Variants in GNAZ observed in about 807,000 individuals in gnomAD.
The protein encoded by GNAZ is G protein subunit alpha z.
A neutral mutation model predicts 25.4 loss-of-function variants in GNAZ; 3 were observed. That is an observed-to-expected ratio of 0.12 (90% CI 0.05 to 0.30). The LOEUF is 0.30. Ranked by LOEUF, GNAZ falls within the 10% of genes least tolerant of loss-of-function variation. The pLI, the probability that GNAZ is intolerant of heterozygous loss-of-function variation, is 1.00. For synonymous variants in GNAZ, 211 were observed against 205.7 expected (o/e 1.03, Z -0.22); for missense variants, 241 against 501.8 (o/e 0.48, Z 4.97).
At chr22:23,112,134 G>A (rs956414190) in intron 2 of GNAZ, among the ~76,000 whole-genome samples, 4 of 152,090 alleles carry the variant, frequency 2.6e-5, no homozygotes, top group Admixed American at 2.6e-4. Context: ...TCTTCACCCC[G>A]CAGCCCAAAG....
At chr22:23,073,680 T>A (rs1008681583) in intron 1 of GNAZ, among the ~76,000 whole-genome samples, 1 of 152,048 alleles carries the variant, frequency 6.6e-6, no homozygotes, top group African/African-American at 2.4e-5. Flanking sequence ...CTAGAGCACA[T>A]AGGAGGAGAC....
At chr22:23,089,502 G>T (rs960878782) in intron 1 of GNAZ, among the ~76,000 whole-genome samples, 3 of 152,220 alleles carry the variant, frequency 2.0e-5, no homozygotes, top group African/African-American at 7.2e-5. Flanking sequence ...GAGGGAAGTG[G>T]TTCCTAGAGT....
chr22:23,110,553 A>T (rs1310015607), intron 2 of GNAZ, among the ~76,000 whole-genome samples: 2 of 152,172 alleles, frequency 1.3e-5, no homozygotes, highest in African/African-American at 4.8e-5. Flanking sequence ...TACCCTCGCT[A>T]CCAGAGACCC....
rs577983227 is a variant in GNAZ at position 23,123,999 on chromosome 22, C to T, written c.*568C>T. On this transcript the variant is annotated 3_prime_UTR_variant, in exon 3 of 3. Coordinates refer to ENST00000615612, the MANE Select transcript of GNAZ (RefSeq NM_002073.4). ...ATTCTGGACCTGGGACCTTAGGAGC[C>T]GGGTGACAGCACTAACCAGACCTCC... is the stretch of plus-strand genomic sequence containing the variant. 1.8e-4 allele frequency: 38 copies of T among 213,234 alleles called. No individual in the cohort carries two copies. Among genetic ancestry groups the T allele is most frequent in the African/African-American group, 8.3e-4 (35 of 42,184 alleles). 13.2% of individuals were successfully genotyped at this position (213,234 alleles called of 1,614,324 possible).
chr22:23,121,067 C>T (rs149544053), intron 2 of GNAZ, among the ~76,000 whole-genome samples: 18 of 152,290 alleles, frequency 1.2e-4, no homozygotes, highest in Middle Eastern at 3.4e-3. Context: ...TAGACCACCA[C>T]TTATCTCACA....
At position 23,083,155 on chromosome 22, in the gene GNAZ, T is replaced by G. The variant is rs922250625; in HGVS notation, c.-449-12092T>G. On this transcript the variant is annotated intron_variant, in intron 1 of 2. Coordinates refer to ENST00000615612, the MANE Select transcript of GNAZ (RefSeq NM_002073.4). The stretch of plus-strand genomic sequence containing the variant: ...AAGGAGGGGTCCTTAGGGGCTAGCC[T>G]GCAGCTCGGAGAGGGGCAGGTGTGA... Among the ~76,000 whole-genome samples the G allele has an allele frequency of 5.5e-4, 83 of 152,078 alleles. 1 individual carries two copies. The highest frequency in any genetic ancestry group is 1.9e-3 in the African/African-American group (80 of 41,452).
chr22:23,083,811 C>T (rs999540889), intron 1 of GNAZ, among the ~76,000 whole-genome samples: 18 of 152,234 alleles, frequency 1.2e-4, no homozygotes, highest in African/African-American at 4.3e-4. Context: ...CACACCACAC[C>T]TGTTCAAGGT....
chr22:23,122,789 C>T (rs1044313492), intron 2 of GNAZ: 12 of 443,364 alleles, frequency 2.7e-5, no homozygotes, highest in East Asian at 7.3e-5. Flanking sequence ...CTGTGCTTGG[C>T]ACATCTGTAG....
chr22:23,116,790 G>A (rs940397378), intron 2 of GNAZ, among the ~76,000 whole-genome samples: 4 of 152,194 alleles, frequency 2.6e-5, no homozygotes, highest in Non-Finnish European at 5.9e-5. Flanking sequence ...GGGAAGGAGT[G>A]GGGTGTGGGG....
intron 2 of GNAZ, among the ~76,000 whole-genome samples, chr22:23,110,895 C>T (rs912194551): frequency 6.6e-6 from 1 of 152,218 alleles, no homozygotes; most frequent in Admixed American, 6.5e-5. Context: ...TCAGGCCTCC[C>T]TGCCCACCAT....
intron 2 of GNAZ, among the ~76,000 whole-genome samples, chr22:23,115,958 G>T (rs1167813228): frequency 6.6e-6 from 1 of 152,224 alleles, no homozygotes; most frequent in Non-Finnish European, 1.5e-5. Flanking sequence ...AGTGCGGTTG[G>T]CTGAGGGCCT....
intron 1 of GNAZ, among the ~76,000 whole-genome samples, chr22:23,078,746 G>C (rs1158758239): frequency 2.0e-5 from 3 of 152,236 alleles, no homozygotes; most frequent in Non-Finnish European, 4.4e-5. Flanking sequence ...GGGCTTCTAA[G>C]GGGGCTGAGG....
intron 2 of GNAZ, among the ~76,000 whole-genome samples, chr22:23,107,768 A>G (rs2330338): frequency 0.39 from 59,192 of 152,056 alleles, 13,601 homozygotes; most frequent in African/African-American, 0.65. Context: ...ATTTTCATTC[A>G]CCAGAATACG....
chr22:23,097,320 C>T (rs1401894644), intron 2 of GNAZ, among the ~76,000 whole-genome samples: 2 of 152,216 alleles, frequency 1.3e-5, no homozygotes, highest in Non-Finnish European at 2.9e-5. Flanking sequence ...AGTCCTAAGG[C>T]AAGCTTTATT....
intron 2 of GNAZ, among the ~76,000 whole-genome samples, chr22:23,116,755 G>C (rs1467968729): frequency 6.6e-6 from 1 of 152,232 alleles, no homozygotes; most frequent in Non-Finnish European, 1.5e-5. Flanking sequence ...GATGTCATTA[G>C]CTGGAAAGCC....
intron 2 of GNAZ, 52 bp from the exon 3 acceptor site, chr22:23,123,035 C>A: frequency 8.2e-7 from 1 of 1,222,698 alleles, no homozygotes; most frequent in South Asian, 1.3e-5. Flanking sequence ...GGTCTAGGGT[C>A]TGTCTCTGCC....
At chr22:23,096,522 C>T in intron 2 of GNAZ, 104 bp downstream of exon 2, 1 of 1,226,490 alleles carries the variant, frequency 8.2e-7, no homozygotes, top group Non-Finnish European at 1.1e-6. Flanking sequence ...AGAAAGGGAA[C>T]CAGGCGCAGG....
intron 2 of GNAZ, among the ~76,000 whole-genome samples, chr22:23,120,635 A>T (rs2069990896): frequency 6.6e-6 from 1 of 152,126 alleles, no homozygotes; most frequent in South Asian, 2.1e-4. Context: ...AGGCAGACCC[A>T]GGCCTAGCAC....
intron 2 of GNAZ, among the ~76,000 whole-genome samples, chr22:23,105,109 G>A (rs184985272): frequency 2.0e-5 from 3 of 152,258 alleles, no homozygotes; most frequent in East Asian, 1.9e-4. Flanking sequence ...AACCAGAGTC[G>A]ACTGGGGGCC....
Sources: gnomAD v4.1 joint callset for allele counts (sites outside exome capture counted in the v4.1 genomes callset) on GRCh38, gnomAD v4.1.1 for gene constraint, MANE v1.5 for transcripts, NCBI Gene and HGNC (gene_info 2026-07-23, HGNC 2026-07-21) for gene names.